KIAA1549: variants seen among roughly 807,000 people sequenced by gnomAD.
KIAA1549 encodes the protein KIAA1549, also known as UPF0606 protein KIAA1549.
Under a neutral mutation model 156.4 loss-of-function variants are expected in KIAA1549, and 70 were observed. That is an observed-to-expected ratio of 0.45 (90% CI 0.37 to 0.55). The LOEUF is 0.55. Ranked by LOEUF, KIAA1549 falls within the 20% of genes least tolerant of loss-of-function variation. The pLI is 0.00. For missense variants in KIAA1549, 2,428 were observed against 2,540.9 expected, an observed-to-expected ratio of 0.96 and a Z score of 0.96; for synonymous variants, 1,103 against 1,066.4, an observed-to-expected ratio of 1.03 and a Z score of -0.67.
intron 1 of KIAA1549, among the ~76,000 whole-genome samples, chr7:138,958,797 A>G (rs908054490): frequency 3.3e-5 from 5 of 152,226 alleles, no homozygotes; most frequent in Non-Finnish European, 7.3e-5. Flanking sequence ...ACAAACCAGT[A>G]TGATTCAGAA....
chr7:138,954,419 T>A (rs544270010), intron 1 of KIAA1549, among the ~76,000 whole-genome samples: 1 of 152,246 alleles, frequency 6.6e-6, no homozygotes, highest in South Asian at 2.1e-4. Flanking sequence ...GGGGTTAGAC[T>A]ACAGAAGACC....
intron 1 of KIAA1549, among the ~76,000 whole-genome samples, chr7:138,921,202 C>T (rs1197379166): frequency 6.6e-6 from 1 of 152,158 alleles, no homozygotes; most frequent in Non-Finnish European, 1.5e-5. Context: ...GAAAAATATC[C>T]ACTTTTCAGA....
chr7:138,904,413 G>A (rs1021329254), intron 7 of KIAA1549, among the ~76,000 whole-genome samples: 10 of 152,094 alleles, frequency 6.6e-5, no homozygotes, highest in South Asian at 4.1e-4. Flanking sequence ...CTGTGTGTTC[G>A]GCAAGGAGAA....
At chr7:138,845,501 T>C (rs897979752) in intron 17 of KIAA1549, among the ~76,000 whole-genome samples, 1 of 152,208 alleles carries the variant, frequency 6.6e-6, no homozygotes, top group Non-Finnish European at 1.5e-5. Flanking sequence ...AGTTGCAATA[T>C]GGAATCTGAA....
At chr7:138,977,746 C>T (rs956835934) in intron 1 of KIAA1549, among the ~76,000 whole-genome samples, 1 of 152,002 alleles carries the variant, frequency 6.6e-6, no homozygotes, top group Non-Finnish European at 1.5e-5. Flanking sequence ...GTCGTCCAGG[C>T]TGGAGTACAA....
intron 12 of KIAA1549, among the ~76,000 whole-genome samples, chr7:138,875,455 G>A (rs1018529595): frequency 1.3e-5 from 2 of 151,756 alleles, no homozygotes; most frequent in Non-Finnish European, 1.5e-5. Context: ...AACCAGCCTG[G>A]GCAACATGGC....
chr7:138,876,068 C>A (rs1054088915), intron 12 of KIAA1549, among the ~76,000 whole-genome samples: 1 of 152,104 alleles, frequency 6.6e-6, no homozygotes, highest in African/African-American at 2.4e-5. Flanking sequence ...TCCTGTGAGA[C>A]AGCAATCACA....
chr7:138,930,980 G>A (rs528448999), intron 1 of KIAA1549, among the ~76,000 whole-genome samples: 1 of 152,270 alleles, frequency 6.6e-6, no homozygotes, highest in African/African-American at 2.4e-5. Flanking sequence ...TGAGCACTTA[G>A]AGGCCACTGC....
At chr7:138,979,665 T>C (rs1172064986) in intron 1 of KIAA1549, among the ~76,000 whole-genome samples, 1 of 152,204 alleles carries the variant, frequency 6.6e-6, no homozygotes, top group African/African-American at 2.4e-5. Flanking sequence ...TGATCTCTTC[T>C]CCTCTGGACA....
chr7:138,898,882 C>A, intron 9 of KIAA1549, 73 bp downstream of exon 9: 1 of 1,326,348 alleles, frequency 7.5e-7, no homozygotes, highest in Non-Finnish European at 1.1e-6. Flanking sequence ...ACATTCAGAG[C>A]TCACTGTCAG....
chr7:138,955,398 A>C (rs972353891), intron 1 of KIAA1549, among the ~76,000 whole-genome samples: 4 of 152,134 alleles, frequency 2.6e-5, no homozygotes, highest in Non-Finnish European at 5.9e-5. Flanking sequence ...AGATGATTCC[A>C]TTTACAGGAG....
intron 2 of KIAA1549, among the ~76,000 whole-genome samples, chr7:138,916,081 C>T (rs1274781165): frequency 1.3e-5 from 2 of 152,182 alleles, no homozygotes; most frequent in Non-Finnish European, 2.9e-5. Context: ...ACTTTTCTTT[C>T]CTCGGGACCC....
Position 138,886,581 on chromosome 7 carries a change from G to A in KIAA1549, c.4033-4997C>T, listed in dbSNP as rs73168937. On this transcript the variant is annotated intron_variant, in intron 10 of 19. Coordinates refer to ENST00000422774, the MANE Select transcript of KIAA1549 (RefSeq NM_001164665.2). Reference sequence around the variant, plus strand: ...CGTGAGCCACTGAGACCGGCCTTAAGATCTTTTATAAGCTGAAATTCTCGG... The same window carrying A: ...CGTGAGCCACTGAGACCGGCCTTAAAATCTTTTATAAGCTGAAATTCTCGG... Among the ~76,000 whole-genome samples the A allele has an allele frequency of 2.7e-3, 408 of 152,130 alleles. 1 individual carries two copies. The highest frequency in any genetic ancestry group is 0.017 in the Middle Eastern group (5 of 294).
Position 138,838,018 on chromosome 7 carries a change from G to A in KIAA1549, c.5741C>T (p.Ser1914Phe). The change falls in exon 20 of 20, where the codon TCC becomes TTC. Residue 1914 changes from serine to phenylalanine, a missense_variant. Coordinates refer to ENST00000422774, the MANE Select transcript of KIAA1549 (RefSeq NM_001164665.2). ...GTGGCCAGGCTGGAGGTCTTCCGTG[G>A]AGCTGGTGGGGTAACCCAGCCCAGG... ...QGPGLGYPTS[S>F]TEDLQPGHSS... 6.2e-7 allele frequency: 1 copy of A among 1,610,300 alleles called. No homozygotes were observed. The highest frequency in any genetic ancestry group is 8.5e-7 in the Non-Finnish European group (1 of 1,178,456).
At position 138,871,818 on chromosome 7, in the gene KIAA1549, C is replaced by T. The variant is rs565116955; in HGVS notation, c.4346-456G>A. Among the ~76,000 whole-genome samples, 8 of 152,292 alleles carry T rather than the reference C, an allele frequency of 5.3e-5. No individual in the cohort carries two copies. In the South Asian group the frequency reaches 8.3e-4, roughly 16 times the overall value. On this transcript the variant is annotated intron_variant, in intron 12 of 19. Coordinates refer to ENST00000422774, the MANE Select transcript of KIAA1549 (RefSeq NM_001164665.2). ...ACAAATTCAGCTGCCAAGGCAATGTCGTACTACAGAGAAAACAGAAGACCA... is the reference window on the plus strand; with the variant it reads ...ACAAATTCAGCTGCCAAGGCAATGTTGTACTACAGAGAAAACAGAAGACCA...
At chr7:138,971,467 G>A (rs1013770834) in intron 1 of KIAA1549, among the ~76,000 whole-genome samples, 50 of 151,740 alleles carry the variant, frequency 3.3e-4, no homozygotes, top group Non-Finnish European at 1.2e-4. Context: ...TGCCCTCTCT[G>A]CCTCCCTTTC....
At chr7:138,873,599 T>TAAAAA (rs57051860) in intron 12 of KIAA1549, among the ~76,000 whole-genome samples, 23 of 105,750 alleles carry the variant, frequency 2.2e-4, no homozygotes, top group African/African-American at 8.2e-4. Context: ...TGACAGGCAT[T>TAAAAA]AAAAAAAAAA....
intron 10 of KIAA1549, among the ~76,000 whole-genome samples, chr7:138,889,634 C>T (rs1480950863): frequency 3.3e-5 from 5 of 152,202 alleles, no homozygotes; most frequent in Non-Finnish European, 5.9e-5. Flanking sequence ...GAAAACGGCA[C>T]GTGTCATAAA....
At chr7:138,881,258 A>T in intron 11 of KIAA1549, 130 bp downstream of exon 11, 2 of 864,900 alleles carry the variant, frequency 2.3e-6, no homozygotes, top group South Asian at 4.2e-5. Flanking sequence ...ACTTTGGGCA[A>T]GTCATCAGTC....
Sources: gnomAD v4.1 joint callset for allele counts (sites outside exome capture counted in the v4.1 genomes callset) on GRCh38, gnomAD v4.1.1 for gene constraint, MANE v1.5 for transcripts, NCBI Gene and HGNC (gene_info 2026-07-23, HGNC 2026-07-21) for gene names.